The following MAP2K1 variants were observed in gnomAD, a reference collection of about 807,000 sequenced individuals.
MAP2K1 encodes the protein mitogen-activated protein kinase kinase 1.
MAP2K1 carries 16 observed loss-of-function variants against 46.3 expected under a neutral mutation model. The observed-to-expected ratio is 0.35, with a 90% CI of 0.23 to 0.52. The LOEUF (loss-of-function observed/expected upper bound fraction) is 0.52. Among genes scored for constraint, MAP2K1 ranks in the 20% least tolerant of loss-of-function variants. The probability of loss-of-function intolerance (pLI) is 0.94; values close to 1 mark genes in which losing one functional copy is unlikely to be tolerated. For missense variants in MAP2K1, 263 were observed against 497.1 expected (o/e 0.53, Z 4.48); for synonymous variants, 183 against 185.6 (o/e 0.99, Z 0.11).
intron 5 of MAP2K1, among the ~76,000 whole-genome samples, chr15:66,477,653 A>C (rs1032191561): frequency 6.6e-6 from 1 of 152,214 alleles, no homozygotes; most frequent in African/African-American, 2.4e-5. Flanking sequence ...CTCACTAGCC[A>C]GTGCTGCTCT....
chr15:66,436,702 C>A (rs1221688215), intron 2 of MAP2K1, 44 bp from the exon 3 acceptor site: 1 of 1,583,842 alleles, frequency 6.3e-7, no homozygotes, highest in African/African-American at 1.3e-5. Flanking sequence ...TCCCTTCCTC[C>A]CTCTTTCTTT....
At chr15:66,427,594 T>C (rs566302911) in intron 1 of MAP2K1, among the ~76,000 whole-genome samples, 104 of 152,100 alleles carry the variant, frequency 6.8e-4, no homozygotes, top group African/African-American at 2.4e-3. Context: ...TTTGATAGTA[T>C]TTATTGAGCA....
chr15:66,427,242 T>C (rs1374340433), intron 1 of MAP2K1, among the ~76,000 whole-genome samples: 2 of 152,224 alleles, frequency 1.3e-5, no homozygotes, highest in African/African-American at 4.8e-5. Flanking sequence ...ATTGTTTTGC[T>C]ACTGTAATCT....
chr15:66,438,495 T>C (rs1250030102), intron 3 of MAP2K1, among the ~76,000 whole-genome samples: 2 of 152,260 alleles, frequency 1.3e-5, no homozygotes, highest in Non-Finnish European at 2.9e-5. Flanking sequence ...TGGAATTCTT[T>C]ATTCACTTTG....
chr15:66,403,467 A>G (rs938602042), intron 1 of MAP2K1, among the ~76,000 whole-genome samples: 3 of 152,164 alleles, frequency 2.0e-5, no homozygotes, highest in Admixed American at 2.0e-4. Context: ...TGTCAGTTTT[A>G]AAAGCAGTGG....
At chr15:66,462,658 A>G (rs1356988035) in intron 5 of MAP2K1, among the ~76,000 whole-genome samples, 2 of 152,096 alleles carry the variant, frequency 1.3e-5, no homozygotes, top group Non-Finnish European at 2.9e-5. Flanking sequence ...AACAAGTGAC[A>G]TACATGATAA....
At position 66,387,260 on chromosome 15, in the gene MAP2K1, TGCGCAGCGGGCGCGGGGCA is replaced by T. The variant is rs982392486; in HGVS notation, c.-77_-59del. 2.7e-5 allele frequency: 33 copies of T among 1,225,030 alleles called. No individual in the cohort carries two copies. Among genetic ancestry groups the T allele is most frequent in the Admixed American group, 6.1e-5 (3 of 49,358 alleles). 75.9% of individuals were successfully genotyped at this position (1,225,030 alleles called of 1,614,324 possible). On this transcript the variant is annotated 5_prime_UTR_variant, in exon 1 of 11. Transcript: ENST00000307102. ...GGGGCCCGCGGCCCGGACTTGGTCC[TGCGCAGCGGGCGCGGGGCA>T]GCGCAGCGGGAGGAAGCGAGAGGTG...
intron 5 of MAP2K1, chr15:66,453,395 A>G: frequency 1.5e-6 from 1 of 682,764 alleles, no homozygotes; most frequent in East Asian, 2.7e-5. Flanking sequence ...AAGTCACTAG[A>G]AGGACTTCTG....
At chr15:66,387,498 G>T (rs968126639) in intron 1 of MAP2K1, 71 bp downstream of exon 1, 5 of 1,441,986 alleles carry the variant, frequency 3.5e-6, no homozygotes, top group Non-Finnish European at 4.8e-6. Flanking sequence ...AGGAGCGCGC[G>T]CCAGGCTCCG....
chr15:66,404,801 C>T (rs1384665118), intron 1 of MAP2K1, among the ~76,000 whole-genome samples: 2 of 152,094 alleles, frequency 1.3e-5, no homozygotes, highest in African/African-American at 4.8e-5. Flanking sequence ...GAGCGGAAAT[C>T]AGTGGTTCCT....
chr15:66,457,722 G>T (rs763863929), intron 5 of MAP2K1, among the ~76,000 whole-genome samples: 2 of 152,116 alleles, frequency 1.3e-5, no homozygotes, highest in Non-Finnish European at 2.9e-5. Context: ...AGCACTTTGG[G>T]AGATCAAGGC....
chr15:66,428,773 CTTTTTTTTTTTTT>C (rs1196428468), intron 1 of MAP2K1, among the ~76,000 whole-genome samples: 8 of 78,196 alleles, frequency 1.0e-4, no homozygotes, highest in South Asian at 4.2e-4. Flanking sequence ...ATTTTCTTTC[CTTTTTTTTTTTTT>C]TTTTTTTTTT....
At chr15:66,397,869 C>T (rs367909211) in intron 1 of MAP2K1, among the ~76,000 whole-genome samples, 23 of 152,082 alleles carry the variant, frequency 1.5e-4, no homozygotes, top group Middle Eastern at 3.4e-3. Context: ...TTCGGGAGGC[C>T]GAGGCGTGCA....
intron 1 of MAP2K1, among the ~76,000 whole-genome samples, chr15:66,429,852 A>G (rs1020881257): frequency 2.0e-5 from 3 of 152,038 alleles, no homozygotes; most frequent in African/African-American, 4.8e-5. Flanking sequence ...TCAGAGACCC[A>G]TGGTGCCAGT....
chr15:66,470,094 G>GTTTTTTTTTTT (rs55637393), intron 5 of MAP2K1, among the ~76,000 whole-genome samples: 4 of 76,608 alleles, frequency 5.2e-5, no homozygotes, highest in Admixed American at 2.2e-4. Context: ...TTTTTTTCTT[G>GTTTTTTTTTTT]TTTTTTTTTT....
intron 1 of MAP2K1, among the ~76,000 whole-genome samples, chr15:66,407,481 T>C (rs1387610418): frequency 6.6e-6 from 1 of 152,216 alleles, no homozygotes; most frequent in Non-Finnish European, 1.5e-5. Context: ...AGTCACTGCA[T>C]GACCAACTCT....
chr15:66,485,892 GT>G (rs773735552), intron 7 of MAP2K1, among the ~76,000 whole-genome samples: 1 of 151,336 alleles, frequency 6.6e-6, no homozygotes, highest in Non-Finnish European at 1.5e-5. Flanking sequence ...TAATTTGTGG[GT>G]TTTTTTTGTT....
chr15:66,423,713 T>G (rs1293500568), intron 1 of MAP2K1, among the ~76,000 whole-genome samples: 1 of 150,464 alleles, frequency 6.6e-6, no homozygotes, highest in East Asian at 2.0e-4. Flanking sequence ...GTTCAAGTGT[T>G]TCTTCTGCCT....
At chr15:66,444,074 A>G (rs527332025) in intron 4 of MAP2K1, among the ~76,000 whole-genome samples, 33 of 151,292 alleles carry the variant, frequency 2.2e-4, no homozygotes, top group Admixed American at 1.8e-3. Context: ...CCCCATCTCT[A>G]TTAAAAATAC....
Sources: allele counts gnomAD v4.1 joint callset (sites outside exome capture counted in the v4.1 genomes callset), GRCh38; gene constraint gnomAD v4.1.1; transcripts MANE v1.5; gene names NCBI Gene and HGNC (gene_info 2026-07-23, HGNC 2026-07-21).